Variants in DEFB134 observed in about 807,000 individuals in gnomAD.
DEFB134 encodes the protein beta-defensin 134.
Under a neutral mutation model 7.4 loss-of-function variants are expected in DEFB134, and 7 were observed. That is an observed-to-expected ratio of 0.95 (90% CI 0.54 to 1.79). The LOEUF is 1.79. DEFB134 is among the 40% of genes most tolerant of loss of function. DEFB134 has a pLI of 0.00. For synonymous variants in DEFB134, 33 were observed against 25.0 expected (o/e 1.32, Z -0.96); for missense variants, 105 against 74.8 (o/e 1.40, Z -1.49).
chr8:11,993,233 T>C (rs893580384), exon 2 of DEFB134: 1 of 152,178 alleles, frequency 6.6e-6, no homozygotes, highest in Non-Finnish European at 1.5e-5. Flanking sequence ...TGGTGTTAGC[T>C]CTTAAGCCAC....
chr8:11,998,821 A>C (rs1191962235), upstream of DEFB134, among the ~76,000 whole-genome samples: 1 of 152,098 alleles, frequency 6.6e-6, no homozygotes, highest in East Asian at 1.9e-4. Flanking sequence ...AAGAAGATCC[A>C]AAAAAACACA....
chr8:11,994,164 T>C, intron 1 of DEFB134, 42 bp from the exon 3 acceptor site: 1 of 1,566,996 alleles, frequency 6.4e-7, no homozygotes, highest in Non-Finnish European at 8.6e-7. Context: ...CTACAGGCCT[T>C]TTTGGACCAT....
Position 11,996,186 on chromosome 8 carries a change from AG to A in DEFB134, c.58+7del, listed in dbSNP as rs1563114472. 1 of 1,613,644 alleles carries A rather than the reference AG, an allele frequency of 6.2e-7. No individual in the cohort carries two copies. On this transcript the variant is annotated splice_region_variant and intron_variant, in intron 1 of 1. Coordinates refer to ENST00000526438, the Ensembl canonical transcript of DEFB134. ...GCACCCCTACCCCCCAAAATATGCCAGTTTTACCTGCCAGCACTGGATCCCA... is the reference window on the plus strand; with the variant it reads ...GCACCCCTACCCCCCAAAATATGCCATTTTACCTGCCAGCACTGGATCCCA...
upstream of DEFB134, chr8:11,996,342 C>T (rs762692697): frequency 7.6e-6 from 11 of 1,439,338 alleles, no homozygotes; most frequent in Non-Finnish European, 1.1e-5. Context: ...CAGTCCTATA[C>T]AAACCTCTCA....
At chr8:11,993,921 T>G in exon 2 of DEFB134, 1 of 1,575,420 alleles carries the variant, frequency 6.3e-7, no homozygotes, top group Non-Finnish European at 8.6e-7. Context: ...TCCCTGGTTT[T>G]GTGAAAGATG....
intron 1 of DEFB134, among the ~76,000 whole-genome samples, chr8:11,994,377 T>G (rs986515276): frequency 6.6e-6 from 1 of 152,178 alleles, no homozygotes; most frequent in Admixed American, 6.5e-5. Flanking sequence ...AATGAGGTCA[T>G]GATGGTGGAA....
chr8:11,996,517 T>C (rs182286819), upstream of DEFB134, among the ~76,000 whole-genome samples: 2 of 152,338 alleles, frequency 1.3e-5, no homozygotes, highest in African/African-American at 4.8e-5. Context: ...TTTCCAAAAG[T>C]ACATGGAGGC....
chr8:11,994,102 CTGA>C, exon 2 of DEFB134: 1 of 1,612,422 alleles, frequency 6.2e-7, no homozygotes, highest in Non-Finnish European at 8.5e-7. Flanking sequence ...TTGTGCATTT[CTGA>C]TGATAATGAA....
At chr8:11,996,373 T>A, upstream of DEFB134, 3 of 1,077,684 alleles carry the variant, frequency 2.8e-6, no homozygotes, top group Middle Eastern at 5.2e-4. Context: ...ATGCCTCGCT[T>A]CAGGTAGATA....
upstream of DEFB134, among the ~76,000 whole-genome samples, chr8:11,998,501 A>T (rs1800184977): frequency 6.6e-6 from 1 of 152,110 alleles, no homozygotes; most frequent in South Asian, 2.1e-4. Context: ...AACTGATGAA[A>T]ACAAAGGTAC....
At chr8:11,996,376 G>A (rs1800124238), upstream of DEFB134, 2 of 1,032,560 alleles carry the variant, frequency 1.9e-6, no homozygotes, top group Non-Finnish European at 2.9e-6. Flanking sequence ...CCTCGCTTCA[G>A]GTAGATATGC....
exon 2 of DEFB134, chr8:11,993,514 C>G (rs1800032324): frequency 6.5e-6 from 1 of 152,848 alleles, no homozygotes; most frequent in Non-Finnish European, 1.5e-5. Flanking sequence ...GTAGTTAAGC[C>G]CTGCCTATGC....
At chr8:12,000,723 C>T (rs1262167117), upstream of DEFB134, among the ~76,000 whole-genome samples, 1 of 152,188 alleles carries the variant, frequency 6.6e-6, no homozygotes, top group Non-Finnish European at 1.5e-5. Context: ...TATGCTCACT[C>T]TTCTTCTTGT....
exon 2 of DEFB134, chr8:11,993,258 C>G (rs79981759): frequency 2.6e-5 from 4 of 152,206 alleles, no homozygotes; most frequent in Admixed American, 2.0e-4. Flanking sequence ...TAACACCCAT[C>G]CAGAGGAGTC....
At chr8:11,996,092 G>T in intron 1 of DEFB134, 102 bp downstream of exon 2, 1 of 1,396,200 alleles carries the variant, frequency 7.2e-7, no homozygotes, top group Admixed American at 2.1e-5. Flanking sequence ...TTTCTAGCTT[G>T]AAAATTAAAG....
chr8:11,996,370 G>A (rs546424593), upstream of DEFB134: 39 of 1,099,542 alleles, frequency 3.5e-5, no homozygotes, highest in South Asian at 1.4e-4. Context: ...GGTATGCCTC[G>A]CTTCAGGTAG....
upstream of DEFB134, among the ~76,000 whole-genome samples, chr8:11,999,743 T>C (rs1035979695): frequency 6.6e-6 from 1 of 152,230 alleles, no homozygotes; most frequent in East Asian, 1.9e-4. Flanking sequence ...TCTGGTTCAC[T>C]GTAGGTGCCA....
chr8:12,000,388 A>C (rs568187760), upstream of DEFB134, among the ~76,000 whole-genome samples: 1 of 152,210 alleles, frequency 6.6e-6, no homozygotes, highest in African/African-American at 2.4e-5. Flanking sequence ...TGCCAAAGGT[A>C]TATTTGTTGA....
chr8:12,000,402 A>C (rs954460287), upstream of DEFB134, among the ~76,000 whole-genome samples: 9 of 152,224 alleles, frequency 5.9e-5, no homozygotes, highest in African/African-American at 2.2e-4. Context: ...TTGTTGAATA[A>C]ATAAATGAAC....
Sources: allele counts gnomAD v4.1 joint callset (sites outside exome capture counted in the v4.1 genomes callset), GRCh38; gene constraint gnomAD v4.1.1; transcripts MANE v1.5; gene names NCBI Gene and HGNC (gene_info 2026-07-23, HGNC 2026-07-21).